Variants in ZC3HC1 observed in about 807,000 individuals in gnomAD.
The protein encoded by ZC3HC1 is zinc finger C3HC-type protein 1.
Under a neutral mutation model 61.9 loss-of-function variants are expected in ZC3HC1, and 38 were observed. The observed-to-expected ratio is 0.61, with a 90% confidence interval of 0.47 to 0.81. The LOEUF (loss-of-function observed/expected upper bound fraction) is 0.81. Ranked by LOEUF, ZC3HC1 falls within the 30% of genes least tolerant of loss-of-function variation. The probability of loss-of-function intolerance (pLI) is 0.00; values close to 1 mark genes in which losing one functional copy is unlikely to be tolerated. For synonymous variants in ZC3HC1, 213 were observed against 229.9 expected (o/e 0.93, Z 0.67); for missense variants, 554 against 622.7 (o/e 0.89, Z 1.17).
At chr7:130,032,280 T>G (rs984532399) in intron 4 of ZC3HC1, among the ~76,000 whole-genome samples, 2 of 151,754 alleles carry the variant, frequency 1.3e-5, no homozygotes, top group African/African-American at 4.8e-5. Context: ...CTTTTTGCTC[T>G]CATAGAAGAT....
chr7:130,018,470 C>A lies in ZC3HC1; in HGVS notation c.*194G>T. 1 of 547,832 alleles carries A rather than the reference C, an allele frequency of 1.8e-6. No homozygotes were observed. The highest frequency in any genetic ancestry group is 3.3e-6 in the Non-Finnish European group (1 of 304,484). The allele number at this position is 547,832 out of a possible 1,614,324, so 33.9% of individuals were successfully genotyped here. A position where few individuals can be genotyped will look rare whatever the true frequency, so the allele number is the denominator to read the frequency against. On this transcript the variant is annotated 3_prime_UTR_variant, in exon 10 of 10. Coordinates refer to ENST00000358303, the MANE Select transcript of ZC3HC1 (RefSeq NM_016478.5). ...CTTGCTGCCCTTACCCTGTCCACAT[C>A]CCTGAAAGGAAACGGGTCTCTCTCA...
chr7:130,033,888 G>C (rs1456731458), intron 4 of ZC3HC1, among the ~76,000 whole-genome samples: 2 of 152,194 alleles, frequency 1.3e-5, no homozygotes, highest in African/African-American at 2.4e-5. Context: ...AATCACAGTA[G>C]ACTAAAATGA....
At chr7:130,039,434 TGG>T in intron 4 of ZC3HC1, 28 bp downstream of exon 4, 1 of 1,559,528 alleles carries the variant, frequency 6.4e-7, no homozygotes, top group East Asian at 2.2e-5. Context: ...GAAGGAAAAA[TGG>T]TGAACAGGAA....
intron 3 of ZC3HC1, 98 bp from the exon 4 acceptor site, chr7:130,039,645 GA>G: frequency 2.5e-6 from 2 of 816,292 alleles, no homozygotes; most frequent in Non-Finnish European, 3.7e-6. Flanking sequence ...AAAAATAAGA[GA>G]ATTTTAAAAT....
chr7:130,030,307 C>T (rs1169400496), intron 4 of ZC3HC1, among the ~76,000 whole-genome samples: 1 of 150,522 alleles, frequency 6.6e-6, no homozygotes, highest in Non-Finnish European at 1.5e-5. Context: ...TCAAGCAATT[C>T]TCCTGCCTCA....
chr7:130,048,148 T>C (rs1471165673), intron 2 of ZC3HC1, among the ~76,000 whole-genome samples: 49 of 142,980 alleles, frequency 3.4e-4, no homozygotes, highest in African/African-American at 1.3e-3. Context: ...TAGTTGTTTT[T>C]TTTTTTTTTT....
At chr7:130,035,060 G>C (rs1794376027) in intron 4 of ZC3HC1, among the ~76,000 whole-genome samples, 1 of 151,384 alleles carries the variant, frequency 6.6e-6, no homozygotes. Flanking sequence ...CCATCCTTTG[G>C]CCTTTTGCTT....
intron 7 of ZC3HC1, among the ~76,000 whole-genome samples, 183 bp downstream of exon 7, chr7:130,024,080 G>A (rs545738287): frequency 2.0e-5 from 3 of 152,304 alleles, no homozygotes; most frequent in East Asian, 1.9e-4. Context: ...GATCATAGGC[G>A]TGAGCCACCG....
At chr7:130,040,848 G>A (rs1029418965) in intron 3 of ZC3HC1, 103 bp downstream of exon 3, 25 of 1,125,454 alleles carry the variant, frequency 2.2e-5, no homozygotes, top group East Asian at 1.3e-4. Context: ...ATTGAAGTAC[G>A]CATTTTTTGA....
At position 130,051,323 on chromosome 7, in the gene ZC3HC1, T is replaced by C. The variant is rs764344845; in HGVS notation, c.44A>G (p.Glu15Gly). 3 of 1,613,466 alleles carry C rather than the reference T, an allele frequency of 1.9e-6. No homozygotes were observed. The highest frequency in any genetic ancestry group is 2.2e-5 in the South Asian group (2 of 90,946). The change falls in exon 1 of 10, where the codon GAA becomes GGA. Residue 15 changes from glutamate (E) to glycine (G), a missense_variant. Glu to Gly is a moderately conservative substitution (Grantham distance 98). Coordinates refer to ENST00000358303, the MANE Select transcript of ZC3HC1 (RefSeq NM_016478.5). The stretch of plus-strand genomic sequence containing the variant: ...GCGAACTACTGCACCCCAATTCTTT[T>C]CAACCCCTACGGCAAACGCTTGTCC... ...CEGQAFAVGV[E>G]KNWGAVVRSP...
At chr7:130,034,751 A>C (rs1167337173) in intron 4 of ZC3HC1, among the ~76,000 whole-genome samples, 1 of 152,124 alleles carries the variant, frequency 6.6e-6, no homozygotes, top group Admixed American at 6.6e-5. Context: ...TTGGCCCTGC[A>C]AAACACTGGG....
intron 5 of ZC3HC1, among the ~76,000 whole-genome samples, chr7:130,028,567 TAATA>T (rs542792094): frequency 5.7e-4 from 86 of 152,116 alleles, no homozygotes; most frequent in African/African-American, 1.8e-3. Context: ...ATAATTTAAG[TAATA>T]AATCAAGATA....
intron 4 of ZC3HC1, among the ~76,000 whole-genome samples, chr7:130,032,209 A>G (rs192763359): frequency 2.5e-5 from 3 of 120,000 alleles, no homozygotes; most frequent in African/African-American, 9.7e-5. Flanking sequence ...GGGCAACAGA[A>G]CAAGATTCCC....
At chr7:130,049,309 G>T (rs1483942259) in intron 1 of ZC3HC1, among the ~76,000 whole-genome samples, 165 bp from the exon 2 acceptor site, 1 of 152,058 alleles carries the variant, frequency 6.6e-6, no homozygotes, top group African/African-American at 2.4e-5. Context: ...ATTTTCAATG[G>T]TTTTATAATA....
At chr7:130,046,501 G>A (rs1182734071) in intron 2 of ZC3HC1, among the ~76,000 whole-genome samples, 1 of 151,788 alleles carries the variant, frequency 6.6e-6, no homozygotes, top group Admixed American at 6.6e-5. Context: ...CAGCTACTTG[G>A]GAGGCTGAGG....
chr7:130,042,945 A>G (rs1240007583), intron 2 of ZC3HC1, among the ~76,000 whole-genome samples: 1 of 152,166 alleles, frequency 6.6e-6, no homozygotes, highest in African/African-American at 2.4e-5. Flanking sequence ...TCGGCCTTCC[A>G]TGGTGCTGGG....
intron 4 of ZC3HC1, among the ~76,000 whole-genome samples, chr7:130,030,169 T>C (rs1473948834): frequency 6.7e-6 from 1 of 149,588 alleles, no homozygotes; most frequent in East Asian, 2.0e-4. Flanking sequence ...AGGCCTAGAA[T>C]GAAGTAGAAG....
chr7:130,024,482 GAGCTGC>G lies in ZC3HC1; in HGVS notation c.795_800del (p.Met265_Leu267delinsIle). On this transcript the variant is annotated inframe_deletion, in exon 7 of 10. Transcript: ENST00000358303. ...TACATTGCGAACATGTTATCAGGGA[GAGCTGC>G]ATGGATTCCAAAGAGGAACTAGATA... 6.2e-7 allele frequency: 1 copy of G among 1,610,052 alleles called. No homozygotes were observed. Among genetic ancestry groups the G allele is most frequent in the African/African-American group, 1.3e-5 (1 of 74,852 alleles).
At position 130,018,420 on chromosome 7, in the gene ZC3HC1, C is replaced by T. The variant is rs1011332432; in HGVS notation, c.*244G>A. ...TTAGTCTTCCTTCTAGTCTGTTAAT[C>T]CCACACTCCTTTAACAGAACCATGC... On this transcript the variant is annotated 3_prime_UTR_variant, in exon 10 of 10. Coordinates refer to ENST00000358303, the MANE Select transcript of ZC3HC1 (RefSeq NM_016478.5). 2.3e-5 allele frequency: 10 copies of T among 442,936 alleles called. No individual in the cohort carries two copies. In the Admixed American group the frequency reaches 2.5e-4, roughly 11 times the overall value. 27.4% of individuals were successfully genotyped at this position (442,936 alleles called of 1,614,324 possible).
Sources: gnomAD v4.1 joint callset for allele counts (sites outside exome capture counted in the v4.1 genomes callset) on GRCh38, gnomAD v4.1.1 for gene constraint, MANE v1.5 for transcripts, NCBI Gene and HGNC (gene_info 2026-07-23, HGNC 2026-07-21) for gene names.